XKR4: variants seen among roughly 807,000 people sequenced by gnomAD.
XKR4 encodes XK related 4, also known as XK-related protein 4.
A neutral mutation model predicts 53.9 loss-of-function variants in XKR4; 12 were observed. The observed-to-expected ratio is 0.22, with a 90% CI of 0.14 to 0.36. The LOEUF (loss-of-function observed/expected upper bound fraction) is 0.36. Ranked by LOEUF, XKR4 falls within the 10% of genes least tolerant of loss-of-function variation. XKR4 has a pLI of 1.00. For missense variants in XKR4, 799 were observed against 859.5 expected, an observed-to-expected ratio of 0.93 and a Z score of 0.88; for synonymous variants, 354 against 362.4, an observed-to-expected ratio of 0.98 and a Z score of 0.26.
intron 1 of XKR4, among the ~76,000 whole-genome samples, chr8:55,228,728 T>C (rs1382504933): frequency 6.6e-6 from 1 of 152,230 alleles, no homozygotes; most frequent in Non-Finnish European, 1.5e-5. Flanking sequence ...TGTTCTTCTT[T>C]ATGTAGTAGC....
intron 1 of XKR4, among the ~76,000 whole-genome samples, chr8:55,325,415 G>T (rs1438439379): frequency 6.6e-6 from 1 of 152,074 alleles, no homozygotes; most frequent in Non-Finnish European, 1.5e-5. Flanking sequence ...TTCCAAGCAG[G>T]GGGGCAGAAA....
At chr8:55,119,981 G>A (rs1816368613) in intron 1 of XKR4, among the ~76,000 whole-genome samples, 2 of 152,188 alleles carry the variant, frequency 1.3e-5, no homozygotes, top group African/African-American at 4.8e-5. Flanking sequence ...CCAGAGTAAA[G>A]CTTAATACAG....
rs748042967 is a variant in XKR4, at chr8:55,540,417, G to GA, written c.*16197dup. The GA allele has an allele frequency of 7.9e-5, 12 of 152,032 alleles. No homozygotes were observed. The highest frequency in any genetic ancestry group is 1.3e-4 in the Non-Finnish European group (9 of 67,976). The allele number at this position is 152,032 out of a possible 1,614,324, so 9.4% of individuals were successfully genotyped here. Reference sequence around the variant, plus strand: ...TTTATATCTAGATGGTATCAAATAAGAAAAAAATGCATCATTTGGTCAATT... The same window carrying GA: ...TTTATATCTAGATGGTATCAAATAAGAAAAAAAATGCATCATTTGGTCAATT... On this transcript the variant is annotated 3_prime_UTR_variant, in exon 3 of 3. Transcript: ENST00000327381.
At chr8:55,263,825 G>A (rs771655287) in intron 1 of XKR4, among the ~76,000 whole-genome samples, 1 of 152,140 alleles carries the variant, frequency 6.6e-6, no homozygotes, top group African/African-American at 2.4e-5. Flanking sequence ...TGAAACAAAC[G>A]TCTGAGTACT....
chr8:55,250,161 G>C (rs1279457901), intron 1 of XKR4, among the ~76,000 whole-genome samples: 1 of 152,162 alleles, frequency 6.6e-6, no homozygotes, highest in Non-Finnish European at 1.5e-5. Flanking sequence ...GGTTTCACTA[G>C]AAAGTTGCTA....
chr8:55,462,547 T>A (rs1563357384), intron 2 of XKR4, among the ~76,000 whole-genome samples: 1 of 152,138 alleles, frequency 6.6e-6, no homozygotes, highest in Non-Finnish European at 1.5e-5. Context: ...CCATCAAGGC[T>A]AGGAAGAAAC....
chr8:55,426,149 A>G (rs1805010130), intron 2 of XKR4, among the ~76,000 whole-genome samples: 1 of 152,208 alleles, frequency 6.6e-6, no homozygotes, highest in African/African-American at 2.4e-5. Flanking sequence ...ACTTCTTCAC[A>G]AACATGGAAA....
chr8:55,490,506 G>T (rs1806256193), intron 2 of XKR4, among the ~76,000 whole-genome samples: 1 of 152,190 alleles, frequency 6.6e-6, no homozygotes, highest in African/African-American at 2.4e-5. Flanking sequence ...CCGAAATTCA[G>T]CATCACGCAA....
chr8:55,504,505 G>A (rs548559053), intron 2 of XKR4, among the ~76,000 whole-genome samples: 20 of 152,036 alleles, frequency 1.3e-4, no homozygotes, highest in Admixed American at 2.0e-4. Context: ...GTGAGCCACC[G>A]TTCCCAGCTG....
intron 2 of XKR4, among the ~76,000 whole-genome samples, chr8:55,499,541 G>A (rs1806405240): frequency 6.6e-6 from 1 of 152,138 alleles, no homozygotes; most frequent in Non-Finnish European, 1.5e-5. Context: ...CCTGAAAAGT[G>A]TTCCAGAAGT....
In XKR4 at chr8:55,523,628, A is replaced by G. The variant is rs1208742695; in HGVS notation, c.1354A>G (p.Arg452Gly). The G allele has an allele frequency of 1.9e-6, 3 of 1,614,054 alleles. No homozygotes were observed. Among genetic ancestry groups the G allele is most frequent in the African/African-American group, 2.7e-5 (2 of 74,912 alleles). ...IFSWFNVKEG[R>G]TRCRLFIYYF... is the part of the protein sequence containing the mutation. ...CAGTTGGTTCAATGTCAAGGAAGGC[A>G]GGACACGCTGCAGGCTATTCATTTA... Residue 452 changes from arginine to glycine, a missense_variant, in exon 3 of 3, where the codon AGG (arginine) becomes GGG (glycine). Transcript: ENST00000327381.
At chr8:55,183,822 G>A (rs1032698731) in intron 1 of XKR4, among the ~76,000 whole-genome samples, 7 of 152,136 alleles carry the variant, frequency 4.6e-5, no homozygotes, top group African/African-American at 1.7e-4. Context: ...TAATTACTGG[G>A]AGAGGAGTGT....
intron 2 of XKR4, among the ~76,000 whole-genome samples, chr8:55,361,161 G>A (rs1803898134): frequency 6.6e-6 from 1 of 152,222 alleles, no homozygotes; most frequent in Admixed American, 6.5e-5. Context: ...ATGCACGGCT[G>A]TACCTGCACA....
intron 2 of XKR4, among the ~76,000 whole-genome samples, chr8:55,511,983 C>T (rs1353443935): frequency 2.0e-5 from 3 of 152,210 alleles, no homozygotes; most frequent in East Asian, 3.9e-4. Context: ...GCAAGCAAAG[C>T]TAGGATTCAG....
At chr8:55,338,470 C>T (rs1803497335) in intron 1 of XKR4, among the ~76,000 whole-genome samples, 1 of 152,190 alleles carries the variant, frequency 6.6e-6, no homozygotes, top group African/African-American at 2.4e-5. Context: ...GGGAGCTGGA[C>T]ACATGGAGAC....
At chr8:55,426,973 C>G (rs905472633) in intron 2 of XKR4, among the ~76,000 whole-genome samples, 1 of 152,162 alleles carries the variant, frequency 6.6e-6, no homozygotes, top group African/African-American at 2.4e-5. Flanking sequence ...CCACTGCCTA[C>G]AGTTGCTATT....
chr8:55,279,669 C>T (rs769484929), intron 1 of XKR4, among the ~76,000 whole-genome samples: 1 of 152,212 alleles, frequency 6.6e-6, no homozygotes, highest in African/African-American at 2.4e-5. Flanking sequence ...TTCCAATGCT[C>T]GTAGAGTGAG....
intron 1 of XKR4, among the ~76,000 whole-genome samples, chr8:55,184,201 A>C (rs1188428893): frequency 1.3e-5 from 2 of 152,090 alleles, no homozygotes; most frequent in Non-Finnish European, 2.9e-5. Context: ...CCCTGTAGAT[A>C]CCTTTCTGAC....
intron 2 of XKR4, among the ~76,000 whole-genome samples, chr8:55,512,767 C>T (rs547390282): frequency 2.6e-5 from 4 of 152,238 alleles, no homozygotes; most frequent in Non-Finnish European, 5.9e-5. Context: ...TGGAACACAG[C>T]TACCAATACA....
Sources: gnomAD v4.1 joint callset for allele counts (sites outside exome capture counted in the v4.1 genomes callset) on GRCh38, gnomAD v4.1.1 for gene constraint, MANE v1.5 for transcripts, NCBI Gene and HGNC (gene_info 2026-07-23, HGNC 2026-07-21) for gene names.